The following DLG2 variants were observed in gnomAD, a reference collection of about 807,000 sequenced individuals.
DLG2 encodes the protein discs large MAGUK scaffold protein 2, also known as disks large homolog 2.
In DLG2, 45 loss-of-function variants were observed where a neutral mutation model predicts 132.5. The ratio of observed to expected loss-of-function variants is 0.34; its 90% CI spans 0.27 to 0.44. The LOEUF (loss-of-function observed/expected upper bound fraction) is 0.44, where lower values mean the gene tolerates loss of function less well. DLG2 is among the 20% of genes least tolerant of loss of function. The pLI is 1.00. For synonymous variants in DLG2, 424 were observed against 419.6 expected (o/e 1.01, Z -0.13); for missense variants, 1,045 against 1,196.9 (o/e 0.87, Z 1.87).
At chr11:83,842,815 C>T (rs1350599806) in intron 16 of DLG2, among the ~76,000 whole-genome samples, 1 of 96,502 alleles carries the variant, frequency 1.0e-5, no homozygotes, top group African/African-American at 4.4e-5. Flanking sequence ...GACTCTGTCT[C>T]CAAAAAAAAA....
rs1181791395 is a variant in DLG2 at position 85,104,937 on chromosome 11, A to T, written c.357+6724T>A. Among the ~76,000 whole-genome samples the T allele has an allele frequency of 2.1e-5, 3 of 144,612 alleles. No homozygotes were observed. In the East Asian group the frequency reaches 6.8e-4, roughly 33 times the overall value. 94.9% of individuals were successfully genotyped at this position (144,612 alleles called of 152,430 possible). On this transcript the variant is annotated intron_variant, in intron 6 of 27. Transcript: ENST00000376104. ...AGGAGAAAGAGGTGGGTGAATATTG[A>T]GGTCCACAAATCAGTCAAGTTGAAT... is the stretch of plus-strand genomic sequence containing the variant.
At chr11:85,343,091 T>C (rs1413842657) in intron 3 of DLG2, among the ~76,000 whole-genome samples, 3 of 152,220 alleles carry the variant, frequency 2.0e-5, no homozygotes, top group African/African-American at 4.8e-5. Flanking sequence ...TCCTCTAATA[T>C]ACAGTCTATA....
intron 10 of DLG2, among the ~76,000 whole-genome samples, chr11:84,082,991 A>T (rs947430742): frequency 2.6e-5 from 4 of 152,200 alleles, no homozygotes; most frequent in Non-Finnish European, 5.9e-5. Flanking sequence ...AAAATAACTA[A>T]GTCAGTTGCT....
Position 84,125,202 on chromosome 11 carries a change from C to T in DLG2, c.625-26155G>A, listed in dbSNP as rs530057040. 1.2e-4 allele frequency among the ~76,000 whole-genome samples: 19 copies of T among 152,146 alleles called. No individual in the cohort carries two copies. In the East Asian group the frequency reaches 1.4e-3, roughly 11 times the overall value. On this transcript the variant is annotated intron_variant, in intron 9 of 27. Coordinates refer to ENST00000376104, the MANE Select transcript of DLG2 (RefSeq NM_001142699.3). ...ATATATTACTGCCAGACAAGGCTCACGTGCTAAATTCCAGTATAGTACAGT... is the reference window on the plus strand; with the variant it reads ...ATATATTACTGCCAGACAAGGCTCATGTGCTAAATTCCAGTATAGTACAGT...
At chr11:83,796,163 G>A (rs2042773890) in intron 17 of DLG2, among the ~76,000 whole-genome samples, 1 of 152,218 alleles carries the variant, frequency 6.6e-6, no homozygotes, top group Non-Finnish European at 1.5e-5. Flanking sequence ...GAGTGGATGA[G>A]TGAATAATAT....
intron 8 of DLG2, among the ~76,000 whole-genome samples, chr11:84,196,767 G>A (rs573994129): frequency 6.6e-6 from 1 of 152,172 alleles, no homozygotes; most frequent in African/African-American, 2.4e-5. Context: ...ATGGCCGAGT[G>A]CAGTGGCTCA....
At chr11:83,745,400 CTCTT>C (rs2092830640) in intron 18 of DLG2, among the ~76,000 whole-genome samples, 1 of 152,296 alleles carries the variant, frequency 6.6e-6, no homozygotes, top group African/African-American at 2.4e-5. Context: ...ACCTCCCTGT[CTCTT>C]TCAAGATTTT....
rs2096510954 is a variant in DLG2, at chr11:84,196,098, T to C, written c.574-32587A>G. Among the ~76,000 whole-genome samples, 6 of 152,346 alleles carry C rather than the reference T, an allele frequency of 3.9e-5. No individual in the cohort carries two copies. In the South Asian group the frequency reaches 1.2e-3, roughly 32 times the overall value. ...AAAGTTATAGAAGCCATCAAATATT[T>C]ATTTCCAGTAATTTTTAAAAAATTT... On this transcript the variant is annotated intron_variant, in intron 8 of 27. Coordinates refer to ENST00000376104, the MANE Select transcript of DLG2 (RefSeq NM_001142699.3).
At chr11:84,841,401 T>C (rs1212425094) in intron 6 of DLG2, among the ~76,000 whole-genome samples, 2 of 152,050 alleles carry the variant, frequency 1.3e-5, no homozygotes, top group South Asian at 2.1e-4. Context: ...TGTTTCTATA[T>C]ATGCTTGCAA....
chr11:84,096,392 C>T (rs1199919427), intron 10 of DLG2, among the ~76,000 whole-genome samples: 1 of 152,136 alleles, frequency 6.6e-6, no homozygotes, highest in Non-Finnish European at 1.5e-5. Context: ...AAGTTTCTAG[C>T]ACAGCAGAAC....
At chr11:84,263,001 C>A (rs1167785440) in intron 7 of DLG2, among the ~76,000 whole-genome samples, 1 of 152,128 alleles carries the variant, frequency 6.6e-6, no homozygotes, top group East Asian at 1.9e-4. Context: ...TGGAAATAAC[C>A]ACACTCCAGT....
intron 18 of DLG2, among the ~76,000 whole-genome samples, chr11:83,668,867 A>ATATTTTTT (rs768513119): frequency 9.1e-6 from 1 of 110,378 alleles, no homozygotes; most frequent in African/African-American, 3.6e-5. Context: ...ATATATATAT[A>ATATTTTTT]TTTTTTTTTT....
At chr11:83,904,461 C>G (rs2074229175) in intron 15 of DLG2, among the ~76,000 whole-genome samples, 1 of 152,046 alleles carries the variant, frequency 6.6e-6, no homozygotes, top group South Asian at 2.1e-4. Flanking sequence ...AATTTAACAG[C>G]TTAAATAATG....
intron 6 of DLG2, among the ~76,000 whole-genome samples, chr11:84,612,886 G>C (rs1342865391): frequency 6.6e-6 from 1 of 152,132 alleles, no homozygotes; most frequent in African/African-American, 2.4e-5. Flanking sequence ...TGGTGTGGCT[G>C]TGATTTGAGT....
At chr11:84,369,966 TG>T (rs2098699354) in intron 7 of DLG2, among the ~76,000 whole-genome samples, 1 of 152,178 alleles carries the variant, frequency 6.6e-6, no homozygotes, top group Non-Finnish European at 1.5e-5. Flanking sequence ...GTCCCTCTGC[TG>T]CTAAACAATA....
At chr11:83,826,898 T>C (rs1421245494) in intron 17 of DLG2, among the ~76,000 whole-genome samples, 1 of 152,158 alleles carries the variant, frequency 6.6e-6, no homozygotes, top group Non-Finnish European at 1.5e-5. Flanking sequence ...GGTGAAATAA[T>C]AGCACTGAGA....
chr11:83,955,274 T>A lies in DLG2; in HGVS notation c.1340+7611A>T, dbSNP rs566184452. 7.0e-4 allele frequency among the ~76,000 whole-genome samples: 106 copies of A among 152,160 alleles called. 5 individuals are homozygous for A. The South Asian group carries it at 0.022, about 31-fold the overall frequency. On this transcript the variant is annotated intron_variant, in intron 14 of 27. Transcript: ENST00000376104. ...GATTCAAGGTCACACAGCTAGGAAA[T>A]GGTGTGATTCAAACCTAAGCAGGGT...
chr11:83,585,416 G>A (rs1479495049), intron 19 of DLG2, among the ~76,000 whole-genome samples: 2 of 152,070 alleles, frequency 1.3e-5, no homozygotes, highest in East Asian at 1.9e-4. Flanking sequence ...TTCTCTATAG[G>A]TGCCCCTAGA....
chr11:84,498,139 G>C (rs1401477916), intron 7 of DLG2, among the ~76,000 whole-genome samples: 2 of 152,156 alleles, frequency 1.3e-5, no homozygotes, highest in Admixed American at 6.5e-5. Context: ...AAAACGAAAA[G>C]AGATAACTAG....
Sources: allele counts gnomAD v4.1 joint callset (sites outside exome capture counted in the v4.1 genomes callset), GRCh38; gene constraint gnomAD v4.1.1; transcripts MANE v1.5; gene names NCBI Gene and HGNC (gene_info 2026-07-23, HGNC 2026-07-21).